Variants in UBAP1L observed in about 807,000 individuals in gnomAD.
The protein encoded by UBAP1L is ubiquitin-associated protein 1-like.
UBAP1L carries 32 observed loss-of-function variants against 32.1 expected under a neutral mutation model. That is an observed-to-expected ratio of 1.00 (90% CI 0.75 to 1.34). The LOEUF (loss-of-function observed/expected upper bound fraction) is 1.34. UBAP1L is among the 40% of genes most tolerant of loss of function. UBAP1L has a pLI of 0.00. For missense variants in UBAP1L, 516 were observed against 540.5 expected (o/e 0.95, Z 0.45); for synonymous variants, 243 against 250.2 (o/e 0.97, Z 0.27).
chr15:65,102,338 G>A lies in UBAP1L; in HGVS notation c.467C>T (p.Ala156Val), dbSNP rs766584004. 4 of 1,463,788 alleles carry A rather than the reference G, an allele frequency of 2.7e-6. No individual in the cohort carries two copies. The South Asian group carries it at 3.9e-5, about 14-fold the overall frequency. 90.7% of individuals were successfully genotyped at this position (1,463,788 alleles called of 1,614,324 possible). Residue 156 changes from alanine (A) to valine (V), a missense_variant, in exon 3 of 6, where the codon GCA (alanine) becomes GTA (valine). Transcript: ENST00000559089. This position sits in a 1 kb window ranked among gnomAD's most constrained non-coding sequence, Gnocchi z 5.0. ...DVLRGVRLEL[A>V]GARRRLSEGK... ...CTCGGAGAGCCGCCGCCGCGCCCCT[G>A]CCAGCTCCAACCGCACGCCGCGTAG...
At chr15:65,105,323 T>A (rs2087296299) in intron 2 of UBAP1L, among the ~76,000 whole-genome samples, 1 of 149,146 alleles carries the variant, frequency 6.7e-6, no homozygotes, top group African/African-American at 2.5e-5. Flanking sequence ...CAAAGAAATA[T>A]AAAAAATTAG....
chr15:65,111,860 G>A (rs546522761), intron 1 of UBAP1L, among the ~76,000 whole-genome samples: 132 of 151,072 alleles, frequency 8.7e-4, no homozygotes, highest in African/African-American at 3.0e-3. Flanking sequence ...GCGTGATCTG[G>A]GCTCACTGCA....
intron 2 of UBAP1L, among the ~76,000 whole-genome samples, chr15:65,105,378 C>A (rs988784316): frequency 6.6e-6 from 1 of 152,088 alleles, no homozygotes; most frequent in African/African-American, 2.4e-5. Context: ...ACTTGGGAGG[C>A]TGAGGTGGGA....
chr15:65,099,804 C>T (rs2087220090), intron 3 of UBAP1L, 90 bp from the exon 4 acceptor site: 4 of 1,118,596 alleles, frequency 3.6e-6, no homozygotes, highest in Non-Finnish European at 5.1e-6. Context: ...TTATGTACCA[C>T]CTTCTGTACA....
At chr15:65,105,672 T>C (rs974165484) in intron 2 of UBAP1L, 1 of 682,558 alleles carries the variant, frequency 1.5e-6, no homozygotes, top group Non-Finnish European at 2.7e-6. Flanking sequence ...AGCCATTAAG[T>C]ATCTGAAAGA....
chr15:65,113,926 G>C (rs2087385890), intron 1 of UBAP1L, among the ~76,000 whole-genome samples: 1 of 151,974 alleles, frequency 6.6e-6, no homozygotes, highest in Non-Finnish European at 1.5e-5. Context: ...TTGCTCTGTT[G>C]CCCAGGCTAG....
chr15:65,107,604 T>C (rs1238147345), intron 1 of UBAP1L, among the ~76,000 whole-genome samples: 1 of 151,424 alleles, frequency 6.6e-6, no homozygotes, highest in Non-Finnish European at 1.5e-5. Context: ...CTGGGCATGG[T>C]GGTGGGTGCC....
chr15:65,105,549 T>C, intron 2 of UBAP1L: 2 of 531,288 alleles, frequency 3.8e-6, no homozygotes, highest in Non-Finnish European at 7.0e-6. Flanking sequence ...TCACCATTCA[T>C]TTGACCTGGA....
chr15:65,105,014 A>T (rs1433917979), intron 2 of UBAP1L: 1 of 235,434 alleles, frequency 4.2e-6, no homozygotes, highest in South Asian at 3.9e-5. Context: ...TCAAATGAAA[A>T]AAAAAAAAAA....
In UBAP1L at chr15:65,094,650, C is replaced by T. The variant is rs1369052108; in HGVS notation, c.910-74G>A. ...GGGCAGCAGACAGGGCAGAGAGGCA[C>T]TCCAAGGGCCTGAGCTGAGGGCCAG... On this transcript the variant is annotated intron_variant, in intron 4 of 5. Transcript: ENST00000559089. The surrounding 1 kb of genome is among the most constrained non-coding windows in gnomAD (Gnocchi z 4.2). The T allele has an allele frequency of 3.6e-6, 4 of 1,121,138 alleles. No homozygotes were observed. The Admixed American group carries it at 5.9e-5, about 17-fold the overall frequency. The allele number at this position is 1,121,138 out of a possible 1,614,324, so 69.4% of individuals were successfully genotyped here.
chr15:65,104,476 T>G (rs2087282655), intron 2 of UBAP1L, among the ~76,000 whole-genome samples: 1 of 152,226 alleles, frequency 6.6e-6, no homozygotes, highest in East Asian at 1.9e-4. Context: ...ACAGACAGAT[T>G]AAAGGTACAT....
chr15:65,105,564 C>A, intron 2 of UBAP1L: 2 of 559,100 alleles, frequency 3.6e-6, no homozygotes, highest in South Asian at 1.6e-5. Context: ...CCTGGAGAAC[C>A]CCATAAAATC....
At chr15:65,100,736 C>T (rs565860688) in intron 3 of UBAP1L, 3 of 152,352 alleles carry the variant, frequency 2.0e-5, no homozygotes, top group South Asian at 2.1e-4. Flanking sequence ...CCCACCCATA[C>T]GCATCTTCTC....
rs2087260884 is a variant in UBAP1L, at chr15:65,102,836, C to G, written c.121-152G>C. Among the ~76,000 whole-genome samples, 1 of 152,250 alleles carries G rather than the reference C, an allele frequency of 6.6e-6. No homozygotes were observed. Among genetic ancestry groups the G allele is most frequent in the African/African-American group, 2.4e-5 (1 of 41,466 alleles). ...CCCCGGGCTTCCATCACAGCCCACT[C>G]TACCCTGGGTTTTAGCTAACACTGT... On this transcript the variant is annotated intron_variant, in intron 2 of 5. Transcript: ENST00000559089. The surrounding 1 kb of genome is among the most constrained non-coding windows in gnomAD (Gnocchi z 5.0).
At chr15:65,109,602 A>C (rs1194301755) in intron 1 of UBAP1L, among the ~76,000 whole-genome samples, 1 of 152,184 alleles carries the variant, frequency 6.6e-6, no homozygotes, top group African/African-American at 2.4e-5. Context: ...CTATATGACA[A>C]AGGACTCATA....
chr15:65,112,630 C>G (rs988280860), intron 1 of UBAP1L, among the ~76,000 whole-genome samples: 2 of 152,084 alleles, frequency 1.3e-5, no homozygotes, highest in Non-Finnish European at 2.9e-5. Flanking sequence ...TTATTCTTGC[C>G]CAGAGCTTCA....
chr15:65,105,733 T>G, intron 2 of UBAP1L: 4 of 698,796 alleles, frequency 5.7e-6, no homozygotes, highest in Non-Finnish European at 1.1e-5. Context: ...AATGGTGGAG[T>G]TGGTAGGTGT....
intron 1 of UBAP1L, among the ~76,000 whole-genome samples, chr15:65,111,884 G>A (rs772840868): frequency 2.8e-5 from 4 of 144,650 alleles, no homozygotes; most frequent in Non-Finnish European, 4.5e-5. Flanking sequence ...TCCGTCCCCC[G>A]GGTTCAAGCG....
In UBAP1L at chr15:65,112,022, T is replaced by A. The variant is rs181880430; in HGVS notation, c.-174+3128A>T. On this transcript the variant is annotated intron_variant, in intron 1 of 5. Coordinates refer to ENST00000559089, the MANE Select transcript of UBAP1L (RefSeq NM_001163692.2). ...GATATTGCCTAGTTAGAAAGTATTCTAAAATGAGGGTCACCTCACTAGGTA... is the reference window on the plus strand; with the variant it reads ...GATATTGCCTAGTTAGAAAGTATTCAAAAATGAGGGTCACCTCACTAGGTA... Among the ~76,000 whole-genome samples the A allele has an allele frequency of 1.1e-4, 16 of 152,318 alleles. No homozygotes were observed. In the East Asian group the frequency reaches 3.1e-3, roughly 29 times the overall value.
Sources: gnomAD v4.1 joint callset for allele counts (sites outside exome capture counted in the v4.1 genomes callset) on GRCh38, gnomAD v4.1.1 for gene constraint, Gnocchi (gnomAD v3.1) non-coding constraint, MANE v1.5 for transcripts, NCBI Gene and HGNC (gene_info 2026-07-23, HGNC 2026-07-21) for gene names.